Variants in XRCC1 observed in about 807,000 individuals in gnomAD.
XRCC1 encodes X-ray repair cross complementing 1.
In XRCC1, 52 loss-of-function variants were observed where a neutral mutation model predicts 83.3. That is an observed-to-expected ratio of 0.62 (90% CI 0.50 to 0.79). The LOEUF (loss-of-function observed/expected upper bound fraction) is 0.79, where lower values mean the gene tolerates loss of function less well. XRCC1 is among the 30% of genes least tolerant of loss of function. The probability of loss-of-function intolerance (pLI) is 0.00; values close to 1 mark genes in which losing one functional copy is unlikely to be tolerated. For synonymous variants in XRCC1, 281 were observed against 312.6 expected (o/e 0.90, Z 1.07); for missense variants, 793 against 823.5 (o/e 0.96, Z 0.45).
intron 2 of XRCC1, among the ~76,000 whole-genome samples, chr19:43,564,499 A>G (rs1022354470): frequency 6.6e-6 from 1 of 152,168 alleles, no homozygotes; most frequent in Non-Finnish European, 1.5e-5. Flanking sequence ...GGCTAAAAAC[A>G]CAAATTTGGC....
intron 2 of XRCC1, among the ~76,000 whole-genome samples, chr19:43,567,648 T>C (rs1203861058): frequency 1.3e-5 from 2 of 152,026 alleles, no homozygotes; most frequent in African/African-American, 4.8e-5. Context: ...CAGTAAATTT[T>C]ATGTGAATTT....
chr19:43,547,940 T>C (rs976728897), intron 10 of XRCC1, among the ~76,000 whole-genome samples: 1 of 152,154 alleles, frequency 6.6e-6, no homozygotes, highest in Non-Finnish European at 1.5e-5. Flanking sequence ...AAACACATTT[T>C]AAAGACTACA....
intron 1 of XRCC1, 64 bp downstream of exon 1, chr19:43,575,344 C>T (rs1972845855): frequency 6.6e-7 from 1 of 1,511,906 alleles, no homozygotes; most frequent in Non-Finnish European, 8.9e-7. Context: ...CCCAAAAGCT[C>T]TTTTAAGAGC....
chr19:43,553,088 G>C lies in XRCC1; in HGVS notation c.605C>G (p.Thr202Arg). ...FSRINKTSPV[T>R]ASDPAGPSYA... ...GCTAGGTCCTGCTGGGTCGCTGGCT[G>C]TGACTATGAAGGGAGAAAGTGGATC... is the stretch of plus-strand genomic sequence containing the variant. Residue 202 changes from threonine to arginine, a missense_variant, in exon 7 of 17, where the codon ACA (threonine) becomes AGA (arginine). By Grantham distance (71) the Thr-to-Arg change is moderately conservative. Coordinates refer to ENST00000262887, the MANE Select transcript of XRCC1 (RefSeq NM_006297.3). The C allele has an allele frequency of 7.7e-6, 12 of 1,567,004 alleles. No individual in the cohort carries two copies. The highest frequency in any genetic ancestry group is 1.0e-5 in the Non-Finnish European group (12 of 1,155,612).
intron 2 of XRCC1, among the ~76,000 whole-genome samples, chr19:43,565,289 C>T (rs1972741457): frequency 1.3e-5 from 2 of 152,292 alleles, no homozygotes; most frequent in African/African-American, 4.8e-5. Flanking sequence ...TCACTGAAGC[C>T]TCAAAACCAC....
intron 4 of XRCC1, chr19:43,553,898 A>G (rs1972608820): frequency 2.1e-6 from 1 of 482,366 alleles, no homozygotes; most frequent in Non-Finnish European, 3.7e-6. Flanking sequence ...CTTTTCACGC[A>G]TTAGCTCTTT....
In XRCC1 at chr19:43,546,042, C is replaced by T. The variant is rs768467328; in HGVS notation, c.1481+10G>A. The T allele has an allele frequency of 8.7e-6, 14 of 1,613,800 alleles. No homozygotes were observed. The highest frequency in any genetic ancestry group is 1.6e-4 in the Middle Eastern group (1 of 6,080). On this transcript the variant is annotated intron_variant, in intron 13 of 16. Transcript: ENST00000262887. ...GCCAGGGACACCCCAACCCCCAGCC[C>T]CAGCCCTACCTCCTCAGCTCATCCT...
At chr19:43,551,809 G>T in intron 9 of XRCC1, 122 bp from the exon 10 acceptor site, 2 of 1,013,826 alleles carry the variant, frequency 2.0e-6, no homozygotes, top group Non-Finnish European at 3.0e-6. Flanking sequence ...TGAGATTGAG[G>T]TGGGAGAAAC....
chr19:43,557,484 T>A (rs1286117470), intron 3 of XRCC1, among the ~76,000 whole-genome samples: 1 of 152,206 alleles, frequency 6.6e-6, no homozygotes. Flanking sequence ...CAGCTGATTA[T>A]GCAAAGGAAA....
intron 10 of XRCC1, among the ~76,000 whole-genome samples, chr19:43,548,108 T>TG (rs1176277522): frequency 1.0e-4 from 5 of 48,088 alleles, no homozygotes; most frequent in Admixed American, 5.0e-4. Context: ...GGGAGGGAGG[T>TG]GGGGGGGTCA....
chr19:43,553,250 C>A, intron 6 of XRCC1, 151 bp downstream of exon 6: 1 of 1,127,426 alleles, frequency 8.9e-7, no homozygotes, highest in South Asian at 1.5e-5. Context: ...AGGCCAGGCC[C>A]ACCTTCCTCC....
intron 2 of XRCC1, among the ~76,000 whole-genome samples, chr19:43,567,436 C>T (rs950397338): frequency 2.0e-5 from 3 of 152,058 alleles, no homozygotes; most frequent in African/African-American, 4.8e-5. Context: ...CTCAGCCTCC[C>T]GAATAGCTGG....
intron 14 of XRCC1, among the ~76,000 whole-genome samples, chr19:43,545,351 C>G (rs1275983690): frequency 6.6e-6 from 1 of 152,212 alleles, no homozygotes; most frequent in African/African-American, 2.4e-5. Context: ...TGCAAACACA[C>G]AATGTGTGCA....
Position 43,561,024 on chromosome 19 carries a change from T to C in XRCC1, c.145-4A>G, listed in dbSNP as rs776414143. The C allele has an allele frequency of 1.2e-6, 2 of 1,612,574 alleles. No individual in the cohort carries two copies. Among genetic ancestry groups the C allele is most frequent in the South Asian group, 1.1e-5 (1 of 91,072 alleles). On this transcript the variant is annotated splice_region_variant and splice_polypyrimidine_tract_variant and intron_variant, in intron 2 of 16. Coordinates refer to ENST00000262887, the MANE Select transcript of XRCC1 (RefSeq NM_006297.3). The stretch of plus-strand genomic sequence containing the variant: ...GTATCTGCTCCTCCTTCTCCAACTG[T>C]GGGCAGAGAGAGAGGCCACTGTCAG...
intron 10 of XRCC1, among the ~76,000 whole-genome samples, chr19:43,551,344 C>T (rs545812065): frequency 6.6e-6 from 1 of 152,336 alleles, no homozygotes; most frequent in East Asian, 1.9e-4. Flanking sequence ...GCTCCTCCAG[C>T]CTTTTCTGAT....
chr19:43,558,079 G>A (rs908820244), intron 3 of XRCC1, among the ~76,000 whole-genome samples: 3 of 152,176 alleles, frequency 2.0e-5, no homozygotes, highest in African/African-American at 7.2e-5. Context: ...ACTAAACCTT[G>A]TAGTTTGTCT....
chr19:43,550,473 T>C (rs1172650982), intron 10 of XRCC1, among the ~76,000 whole-genome samples: 2 of 152,150 alleles, frequency 1.3e-5, no homozygotes, highest in Non-Finnish European at 2.9e-5. Context: ...CCTTCTGACC[T>C]GAGCCCACCC....
chr19:43,546,911 TC>T lies in XRCC1; in HGVS notation c.1265del (p.Gly422GlufsTer47). Reference sequence around the variant, plus strand: ...TCTGAGGAAGCTTGGGGGCTTCATCTCCGCTGCCACCGCTGTGAGAGGCCTC... The same window carrying T: ...TCTGAGGAAGCTTGGGGGCTTCATCTCGCTGCCACCGCTGTGAGAGGCCTC... ...EDEASHSGGS[G>X]DEAPKLPQKQ... On this transcript the variant is annotated frameshift_variant, in exon 11 of 17. Coordinates refer to ENST00000262887, the MANE Select transcript of XRCC1 (RefSeq NM_006297.3). LOFTEE classifies it high-confidence loss of function. 6.2e-7 allele frequency: 1 copy of T among 1,613,934 alleles called. No homozygotes were observed. The highest frequency in any genetic ancestry group is 8.5e-7 in the Non-Finnish European group (1 of 1,179,982).
intron 3 of XRCC1, among the ~76,000 whole-genome samples, chr19:43,557,792 CAAAAAAAAA>C (rs35267441): frequency 1.7e-3 from 71 of 41,012 alleles, no homozygotes; most frequent in Middle Eastern, 0.019. Flanking sequence ...AATTCCATCT[CAAAAAAAAA>C]AAAAAAAAAA....
Sources: allele counts gnomAD v4.1 joint callset (sites outside exome capture counted in the v4.1 genomes callset), GRCh38; gene constraint gnomAD v4.1.1; transcripts MANE v1.5; gene names NCBI Gene and HGNC (gene_info 2026-07-23, HGNC 2026-07-21).